The following IL1RAPL1 variants were observed in gnomAD, a reference collection of about 807,000 sequenced individuals.
The protein encoded by IL1RAPL1 is interleukin 1 receptor accessory protein like 1.
In IL1RAPL1, 3 loss-of-function variants were observed where a neutral mutation model predicts 48.4. The ratio of observed to expected loss-of-function variants is 0.06; its 90% CI spans 0.03 to 0.16. IL1RAPL1 has a LOEUF of 0.16. IL1RAPL1 is among the 10% of genes least tolerant of loss of function. The pLI is 1.00. For synonymous variants in IL1RAPL1, 185 were observed against 187.7 expected, an observed-to-expected ratio of 0.99 and a Z score of 0.12; for missense variants, 349 against 530.6, an observed-to-expected ratio of 0.66 and a Z score of 3.36.
rs772143508 is a variant in IL1RAPL1, at chrX:29,955,259, T to C, written c.1530T>C (p.Ile510=). 1 of 1,210,967 alleles carries C rather than the reference T, an allele frequency of 8.3e-7. No homozygotes were observed. The highest frequency in any genetic ancestry group is 1.1e-6 in the Non-Finnish European group (1 of 895,216). The part of the protein sequence containing the change: ...LVTGEIKVIL[I]ECSELRGIMN... Reference sequence around the variant, plus strand: ...CTGGAGAAATTAAAGTGATTCTAATTGAATGCAGTGAACTGAGAGGAATTA... The same window carrying C: ...CTGGAGAAATTAAAGTGATTCTAATCGAATGCAGTGAACTGAGAGGAATTA... Residue 510 remains isoleucine (I), a synonymous_variant, in exon 11 of 11, where the codon ATT becomes ATC. Transcript: ENST00000378993.
At chrX:28,751,371 C>T (rs1490539820) in intron 1 of IL1RAPL1, among the ~76,000 whole-genome samples, 1 of 111,754 alleles carries the variant, frequency 8.9e-6, no homozygotes, top group African/African-American at 3.2e-5. Flanking sequence ...TCTGTCCAAA[C>T]TTGTATAGTA....
intron 2 of IL1RAPL1, among the ~76,000 whole-genome samples, chrX:28,954,072 A>G (rs1036934838): frequency 8.9e-6 from 1 of 111,745 alleles, no homozygotes; most frequent in Non-Finnish European, 1.9e-5. Flanking sequence ...ATTGTCCTTG[A>G]TATTTAATAC....
intron 2 of IL1RAPL1, among the ~76,000 whole-genome samples, chrX:29,263,846 TTTCTCTCTCTCTCTCC>T (rs1270258228): frequency 1.5e-5 from 1 of 67,240 alleles, no homozygotes. Flanking sequence ...TCTCTCTCTC[TTTCTCTCTCTCTCTCC>T]CCCCCCCCCG....
At chrX:29,769,427 GTTTTTTTTTTTTTTTTTT>G (rs749403144) in intron 6 of IL1RAPL1, among the ~76,000 whole-genome samples, 3 of 25,886 alleles carry the variant, frequency 1.2e-4, no homozygotes, top group African/African-American at 2.2e-4. Context: ...CTGCCAAACA[GTTTTTTTTTTTTTTTTTT>G]TTTTTTTTTT....
intron 1 of IL1RAPL1, among the ~76,000 whole-genome samples, chrX:28,712,698 C>G: frequency 1.8e-5 from 2 of 111,164 alleles, no homozygotes; most frequent in Non-Finnish European, 3.8e-5. Context: ...AATTCTGACC[C>G]TTGGCTCTAT....
intron 1 of IL1RAPL1, among the ~76,000 whole-genome samples, chrX:28,713,683 A>G (rs755480363): frequency 1.8e-5 from 2 of 111,226 alleles, no homozygotes; most frequent in African/African-American, 6.5e-5. Flanking sequence ...TATGAGTCAA[A>G]CGCATCCTGT....
intron 2 of IL1RAPL1, among the ~76,000 whole-genome samples, chrX:29,194,436 T>G (rs1930406613): frequency 8.9e-6 from 1 of 112,808 alleles, no homozygotes; most frequent in Non-Finnish European, 1.9e-5. Flanking sequence ...CCTTGAGATC[T>G]AAATGTATTG....
chrX:28,911,593 C>T (rs1201580055), intron 2 of IL1RAPL1, among the ~76,000 whole-genome samples: 1 of 110,831 alleles, frequency 9.0e-6, no homozygotes, highest in Non-Finnish European at 1.9e-5. Flanking sequence ...CTTATTTATA[C>T]CAAGTACTTA....
At chrX:28,831,792 C>G (rs1157071282) in intron 2 of IL1RAPL1, among the ~76,000 whole-genome samples, 1 of 110,722 alleles carries the variant, frequency 9.0e-6, no homozygotes, top group Non-Finnish European at 1.9e-5. Flanking sequence ...GAGTTTCATA[C>G]TCCACTATTC....
intron 6 of IL1RAPL1, among the ~76,000 whole-genome samples, chrX:29,740,058 T>C (rs770255443): frequency 6.0e-5 from 6 of 100,534 alleles, no homozygotes; most frequent in Non-Finnish European, 9.9e-5. Context: ...ATTGCACCAT[T>C]GCACTCCAGC....
intron 1 of IL1RAPL1, among the ~76,000 whole-genome samples, chrX:28,737,046 C>CCTTTTCTTTTCTTTTCTTTT (rs146038961): frequency 1.1e-5 from 1 of 94,322 alleles, no homozygotes; most frequent in Non-Finnish European, 2.1e-5. Flanking sequence ...CTGAATATTT[C>CCTTTTCTTTTCTTTTCTTTT]CTTTTCTTTT....
intron 1 of IL1RAPL1, among the ~76,000 whole-genome samples, chrX:28,620,644 A>T (rs1212823240): frequency 8.9e-6 from 1 of 111,743 alleles, no homozygotes; most frequent in Non-Finnish European, 1.9e-5. Flanking sequence ...CCAGAGCCTG[A>T]TTTATCCCCT....
chrX:29,810,672 A>G (rs1930362548), intron 6 of IL1RAPL1, among the ~76,000 whole-genome samples: 1 of 110,975 alleles, frequency 9.0e-6, no homozygotes, highest in Non-Finnish European at 1.9e-5. Context: ...TCTATCCTCC[A>G]TATCTCCAAC....
chrX:28,999,435 T>G (rs972215715), intron 2 of IL1RAPL1, among the ~76,000 whole-genome samples: 1 of 111,621 alleles, frequency 9.0e-6, no homozygotes, highest in Non-Finnish European at 1.9e-5. Flanking sequence ...GCCCAATCCC[T>G]GAGTTAATTT....
At chrX:28,929,709 A>C (rs1427034332) in intron 2 of IL1RAPL1, among the ~76,000 whole-genome samples, 1 of 112,277 alleles carries the variant, frequency 8.9e-6, no homozygotes, top group Non-Finnish European at 1.9e-5. Context: ...TATGGTTTGC[A>C]CAATAAATAT....
chrX:29,188,608 A>G (rs1182470253), intron 2 of IL1RAPL1, among the ~76,000 whole-genome samples: 3 of 76,309 alleles, frequency 3.9e-5, no homozygotes, highest in African/African-American at 5.0e-5. Flanking sequence ...TTTTTTTGAG[A>G]TGGAGTCTTG....
chrX:29,000,283 TC>T (rs901239844), intron 2 of IL1RAPL1, among the ~76,000 whole-genome samples: 13 of 111,754 alleles, frequency 1.2e-4, no homozygotes, highest in African/African-American at 4.2e-4. Flanking sequence ...AAAGGCATAG[TC>T]TGGTTGAAGC....
At chrX:28,919,160 T>C (rs1309683346) in intron 2 of IL1RAPL1, among the ~76,000 whole-genome samples, 1 of 111,567 alleles carries the variant, frequency 9.0e-6, no homozygotes, top group East Asian at 2.8e-4. Flanking sequence ...TGAACAGTAC[T>C]TGAACAGCTG....
chrX:29,618,821 C>G (rs1261260752), intron 5 of IL1RAPL1, among the ~76,000 whole-genome samples: 1 of 111,964 alleles, frequency 8.9e-6, no homozygotes, highest in East Asian at 2.8e-4. Context: ...GCCTATCACA[C>G]TAGGTAATGA....
Sources: gnomAD v4.1 joint callset for allele counts (sites outside exome capture counted in the v4.1 genomes callset) on GRCh38, gnomAD v4.1.1 for gene constraint, MANE v1.5 for transcripts, NCBI Gene and HGNC (gene_info 2026-07-23, HGNC 2026-07-21) for gene names.